Variants in SLC13A4 observed in about 807,000 individuals in gnomAD.
The protein encoded by SLC13A4 is solute carrier family 13 member 4.
A neutral mutation model predicts 72.7 loss-of-function variants in SLC13A4; 28 were observed. The ratio of observed to expected loss-of-function variants is 0.39; its 90% CI spans 0.29 to 0.53. The LOEUF (loss-of-function observed/expected upper bound fraction) is 0.53. Ranked by LOEUF, SLC13A4 falls within the 20% of genes least tolerant of loss-of-function variation. The pLI, the probability that SLC13A4 is intolerant of heterozygous loss-of-function variation, is 0.78. For synonymous variants in SLC13A4, 312 were observed against 325.5 expected (o/e 0.96, Z 0.45); for missense variants, 653 against 788.0 (o/e 0.83, Z 2.05).
chr7:135,701,852 C>T, intron 6 of SLC13A4, 92 bp from the exon 7 acceptor site: 1 of 1,243,300 alleles, frequency 8.0e-7, no homozygotes, highest in Non-Finnish European at 1.2e-6. Context: ...AGGGCCACCC[C>T]ATGCCTCAGC....
intron 2 of SLC13A4, among the ~76,000 whole-genome samples, chr7:135,720,465 T>C (rs1796521892): frequency 6.6e-6 from 1 of 151,622 alleles, no homozygotes; most frequent in Non-Finnish European, 1.5e-5. Flanking sequence ...TGGCGCTTAG[T>C]AGGCATTCAA....
chr7:135,711,710 G>C (rs1009752748), intron 2 of SLC13A4, among the ~76,000 whole-genome samples: 2 of 152,114 alleles, frequency 1.3e-5, no homozygotes, highest in Non-Finnish European at 2.9e-5. Flanking sequence ...GATTTTCTGG[G>C]TCTCCCAGAC....
intron 14 of SLC13A4, 135 bp from the exon 15 acceptor site, chr7:135,684,396 C>T: frequency 1.0e-6 from 1 of 976,824 alleles, no homozygotes; most frequent in Non-Finnish European, 1.5e-6. Context: ...GTAGTTAGGT[C>T]TCTGCCCTCT....
intron 10 of SLC13A4, among the ~76,000 whole-genome samples, chr7:135,693,827 A>G (rs1246189020): frequency 6.6e-6 from 1 of 152,142 alleles, no homozygotes; most frequent in Non-Finnish European, 1.5e-5. Context: ...CTTTGGAAGG[A>G]ATTCACATTT....
chr7:135,696,570 T>G (rs1795910225), intron 8 of SLC13A4, among the ~76,000 whole-genome samples: 1 of 152,070 alleles, frequency 6.6e-6, no homozygotes, highest in Non-Finnish European at 1.5e-5. Context: ...CCAGGCTGGT[T>G]TTGAACTCCT....
In SLC13A4 at chr7:135,684,214, G is replaced by C. The variant is rs773818862; in HGVS notation, c.1656C>G (p.Thr552=). Residue 552 remains threonine (T), a synonymous_variant, in exon 15 of 16, where the codon ACC becomes ACG. Coordinates refer to ENST00000682651, the MANE Select transcript of SLC13A4 (RefSeq NM_001318192.2). ...INPLYTLIPV[T]MCISFAVMLP... ...GCATCACTGCAAAGGAGATGCACAT[G>C]GTGACTGGGATCAGGGTGTAGAGGG... 16 of 1,613,064 alleles carry C rather than the reference G, an allele frequency of 9.9e-6. No homozygotes were observed. Among genetic ancestry groups the C allele is most frequent in the Non-Finnish European group, 1.4e-5 (16 of 1,179,420 alleles).
chr7:135,705,231 T>C (rs901092041), intron 5 of SLC13A4: 3 of 195,292 alleles, frequency 1.5e-5, no homozygotes, highest in African/African-American at 6.9e-5. Context: ...CATCGAGATG[T>C]GAACGGTTTT....
chr7:135,715,414 T>C (rs1188192713), intron 2 of SLC13A4, among the ~76,000 whole-genome samples: 1 of 99,310 alleles, frequency 1.0e-5, no homozygotes, highest in Non-Finnish European at 2.0e-5. Flanking sequence ...TATGAGTGTG[T>C]GTATGAGTGT....
At chr7:135,702,820 G>T (rs1267927455) in intron 6 of SLC13A4, 25 bp downstream of exon 6, 12 of 1,606,454 alleles carry the variant, frequency 7.5e-6, no homozygotes, top group African/African-American at 1.3e-5. Context: ...TGATTCCAAA[G>T]CACAGAAAAA....
intron 7 of SLC13A4, 93 bp from the exon 8 acceptor site, chr7:135,699,641 G>A (rs1377875732): frequency 1.3e-5 from 15 of 1,159,930 alleles, no homozygotes; most frequent in Admixed American, 2.9e-5. Flanking sequence ...CAGCGGAAAG[G>A]GTTTGAGCTT....
chr7:135,713,278 C>T (rs1796344722), intron 2 of SLC13A4, among the ~76,000 whole-genome samples: 1 of 152,160 alleles, frequency 6.6e-6, no homozygotes, highest in Admixed American at 6.5e-5. Flanking sequence ...CTTTTCTGCT[C>T]TGTGGTTTTT....
At chr7:135,687,812 A>AT (rs145163825) in intron 13 of SLC13A4, among the ~76,000 whole-genome samples, 2,386 of 150,914 alleles carry the variant, frequency 0.016, 61 homozygotes, top group African/African-American at 0.055. Flanking sequence ...AAGTGAAATA[A>AT]TTTTTTTTTT....
At chr7:135,707,897 T>C in intron 3 of SLC13A4, 1 of 513,340 alleles carries the variant, frequency 1.9e-6, no homozygotes, top group Non-Finnish European at 3.4e-6. Flanking sequence ...AATGGGTAAA[T>C]TCTTTGGATA....
intron 1 of SLC13A4, among the ~76,000 whole-genome samples, chr7:135,721,747 C>T (rs1019648262): frequency 5.3e-5 from 8 of 152,174 alleles, no homozygotes; most frequent in African/African-American, 1.9e-4. Context: ...CGATGCCTGG[C>T]GTGTGGTTTG....
intron 8 of SLC13A4, among the ~76,000 whole-genome samples, chr7:135,697,402 C>G (rs1795926682): frequency 6.6e-6 from 1 of 152,180 alleles, no homozygotes. Context: ...CACGGCCTTT[C>G]CCTCTCTCAG....
intron 14 of SLC13A4, 51 bp from the exon 15 acceptor site, chr7:135,684,312 T>A (rs372972513): frequency 4.1e-5 from 63 of 1,545,932 alleles, no homozygotes; most frequent in African/African-American, 8.2e-5. Flanking sequence ...TTGCATTTCC[T>A]GTGCTTAATG....
At chr7:135,711,334 A>G (rs764626532) in intron 2 of SLC13A4, among the ~76,000 whole-genome samples, 15 of 152,126 alleles carry the variant, frequency 9.9e-5, no homozygotes, top group Non-Finnish European at 1.9e-4. Flanking sequence ...ATCCCATTCT[A>G]GAACACCGGT....
intron 5 of SLC13A4, chr7:135,703,207 C>T (rs1053826861): frequency 3.1e-6 from 1 of 322,460 alleles, no homozygotes; most frequent in South Asian, 4.4e-5. Flanking sequence ...CATTGTTAAT[C>T]CTCATCACAG....
At chr7:135,707,932 A>G in intron 3 of SLC13A4, 182 bp downstream of exon 3, 1 of 642,100 alleles carries the variant, frequency 1.6e-6, no homozygotes, top group Non-Finnish European at 2.6e-6. Context: ...ACAGGTTTAA[A>G]TCTCTACTCC....
Sources: allele counts gnomAD v4.1 joint callset (sites outside exome capture counted in the v4.1 genomes callset), GRCh38; gene constraint gnomAD v4.1.1; transcripts MANE v1.5; gene names NCBI Gene and HGNC (gene_info 2026-07-23, HGNC 2026-07-21).